Variants in DENND6A observed in about 807,000 individuals in gnomAD.
DENND6A encodes the protein protein DENND6A.
Under a neutral mutation model 95.5 loss-of-function variants are expected in DENND6A, and 43 were observed. The ratio of observed to expected loss-of-function variants is 0.45; its 90% CI spans 0.35 to 0.58. The LOEUF (loss-of-function observed/expected upper bound fraction) is 0.58, where lower values mean the gene tolerates loss of function less well. Ranked by LOEUF, DENND6A falls within the 20% of genes least tolerant of loss-of-function variation. The pLI is 0.00. For missense variants in DENND6A, 574 were observed against 736.0 expected (o/e 0.78, Z 2.55); for synonymous variants, 257 against 260.4 (o/e 0.99, Z 0.13).
chr3:57,638,380 G>GGGT (rs201790266), intron 12 of DENND6A, among the ~76,000 whole-genome samples: 2,148 of 152,082 alleles, frequency 0.014, 33 homozygotes, highest in Non-Finnish European at 0.019. Flanking sequence ...TAAACAGGCT[G>GGGT]GGTGTGGTGG....
At chr3:57,636,885 C>T (rs1025533311) in intron 12 of DENND6A, among the ~76,000 whole-genome samples, 1 of 143,522 alleles carries the variant, frequency 7.0e-6, no homozygotes, top group Non-Finnish European at 1.5e-5. Context: ...TGCAGTAAGC[C>T]GAGATTGTGT....
rs182113526 is a variant in DENND6A, at chr3:57,682,405, T to C, written c.238-9967A>G. ...TTCAGTACATGATCTATTCATTAAT[T>C]CTAAAGATGCTTTGAACTTTCCTGC... On this transcript the variant is annotated intron_variant, in intron 1 of 19. Transcript: ENST00000311128. Among the ~76,000 whole-genome samples, 501 of 152,246 alleles carry C rather than the reference T, an allele frequency of 3.3e-3. 3 individuals carry two copies. Among genetic ancestry groups the C allele is most frequent in the African/African-American group, 0.011 (475 of 41,566 alleles).
intron 3 of DENND6A, among the ~76,000 whole-genome samples, chr3:57,672,055 T>C (rs2071626877): frequency 6.6e-6 from 1 of 152,224 alleles, no homozygotes; most frequent in Non-Finnish European, 1.5e-5. Flanking sequence ...ATGGTTTACC[T>C]CATCACACCA....
chr3:57,682,158 A>G (rs1442279163), intron 1 of DENND6A, among the ~76,000 whole-genome samples: 2 of 151,958 alleles, frequency 1.3e-5, no homozygotes, highest in Non-Finnish European at 1.5e-5. Context: ...TTTTTCTAAC[A>G]TAAATTATAT....
rs1222968957 is a variant in DENND6A, at chr3:57,625,787, G to A, written c.*2427C>T. 1 of 152,546 alleles carries A rather than the reference G, an allele frequency of 6.6e-6. No individual in the cohort carries two copies. Among genetic ancestry groups the A allele is most frequent in the Admixed American group, 6.5e-5 (1 of 15,270 alleles). 9.4% of individuals were successfully genotyped at this position (152,546 alleles called of 1,614,324 possible). On this transcript the variant is annotated 3_prime_UTR_variant, in exon 20 of 20. Coordinates refer to ENST00000311128, the MANE Select transcript of DENND6A (RefSeq NM_152678.3). ...AGGTATGATATGGTTTTCAACATGT[G>A]TTAGGTTTCAGTTAAATACAGTAAA...
intron 12 of DENND6A, among the ~76,000 whole-genome samples, chr3:57,638,117 G>A (rs1302987666): frequency 6.6e-6 from 1 of 151,934 alleles, no homozygotes. Flanking sequence ...CTGGAAGACA[G>A]ACCAAGACTC....
chr3:57,635,671 A>T (rs2070777001), intron 12 of DENND6A, among the ~76,000 whole-genome samples: 1 of 152,168 alleles, frequency 6.6e-6, no homozygotes, highest in South Asian at 2.1e-4. Context: ...TGGGGGTGAG[A>T]TTTTAAGAAC....
chr3:57,658,852 A>C (rs138088683), intron 8 of DENND6A, among the ~76,000 whole-genome samples: 2 of 152,188 alleles, frequency 1.3e-5, no homozygotes, highest in Non-Finnish European at 1.5e-5. Flanking sequence ...ATCAAAGCTT[A>C]TTGAAAAAAA....
chr3:57,658,998 A>G, intron 8 of DENND6A, 120 bp downstream of exon 8: 1 of 837,584 alleles, frequency 1.2e-6, no homozygotes, highest in Non-Finnish European at 1.8e-6. Context: ...ATTTAATGGG[A>G]CATTTCAGTA....
chr3:57,643,830 A>G (rs535050328), intron 11 of DENND6A, among the ~76,000 whole-genome samples: 1 of 151,672 alleles, frequency 6.6e-6, no homozygotes, highest in South Asian at 2.1e-4. Flanking sequence ...CTGTCTCAAA[A>G]AAAAAAAAAA....
At chr3:57,662,185 C>T (rs376727488) in intron 5 of DENND6A, among the ~76,000 whole-genome samples, 22 of 79,134 alleles carry the variant, frequency 2.8e-4, no homozygotes, top group South Asian at 5.4e-4. Flanking sequence ...TTTCTTTTTT[C>T]TTTTTTTTTT....
intron 1 of DENND6A, among the ~76,000 whole-genome samples, chr3:57,673,229 A>G (rs545556705): frequency 4.5e-4 from 68 of 149,906 alleles, no homozygotes; most frequent in African/African-American, 1.3e-3. Context: ...AAAAAAAAAA[A>G]AAAGAAAGAA....
At chr3:57,692,694 T>G in intron 1 of DENND6A, 88 bp downstream of exon 1, 2 of 1,252,012 alleles carry the variant, frequency 1.6e-6, no homozygotes, top group East Asian at 3.1e-5. Context: ...GACAGGGTCC[T>G]GGCCGGTCAG....
intron 1 of DENND6A, among the ~76,000 whole-genome samples, chr3:57,684,436 C>G (rs181035760): frequency 7.9e-4 from 120 of 152,250 alleles, no homozygotes; most frequent in African/African-American, 2.8e-3. Context: ...GCACTCTAGC[C>G]TGGGTGACAA....
At chr3:57,658,354 T>TC (rs2071365883) in intron 8 of DENND6A, among the ~76,000 whole-genome samples, 1 of 151,552 alleles carries the variant, frequency 6.6e-6, no homozygotes. Flanking sequence ...CAGAGTGAAA[T>TC]CCCATCCCTA....
intron 11 of DENND6A, among the ~76,000 whole-genome samples, chr3:57,642,372 G>T (rs1421018213): frequency 4.0e-5 from 6 of 151,734 alleles, no homozygotes; most frequent in Non-Finnish European, 7.4e-5. Flanking sequence ...GTCTACCAGG[G>T]GATTAAAGGA....
At position 57,630,823 on chromosome 3, in the gene DENND6A, C is replaced by T. The variant is rs774274976; in HGVS notation, c.1409G>A (p.Ser470Asn). Residue 470 changes from serine (S) to asparagine (N), a missense_variant and splice_region_variant, in exon 17 of 20, where the codon AGT (serine) becomes AAT (asparagine). Transcript: ENST00000311128. The part of the protein sequence containing the change: ...PLQKSISPWK[S>N]PPQLRQFLPE... ...AAGAAACTGTCTTAATTGAGGTGGA[C>T]TCTAGAAAACAGGACATATAATATT... 1 of 1,612,718 alleles carries T rather than the reference C, an allele frequency of 6.2e-7. No individual in the cohort carries two copies. The highest frequency in any genetic ancestry group is 8.5e-7 in the Non-Finnish European group (1 of 1,179,618).
chr3:57,637,127 C>T (rs1232842643), intron 12 of DENND6A, among the ~76,000 whole-genome samples: 1 of 152,122 alleles, frequency 6.6e-6, no homozygotes, highest in Admixed American at 6.5e-5. Flanking sequence ...CAAATTATCA[C>T]ATTTAATCTT....
In DENND6A at chr3:57,672,291, T is replaced by A. The variant is rs781616401; in HGVS notation, c.284A>T (p.Asn95Ile). The A allele has an allele frequency of 1.9e-6, 3 of 1,610,264 alleles. No individual in the cohort carries two copies. The highest frequency in any genetic ancestry group is 2.5e-6 in the Non-Finnish European group (3 of 1,178,880). Residue 95 changes from asparagine (N) to isoleucine (I), a missense_variant, in exon 3 of 20, where the codon AAT (asparagine) becomes ATT (isoleucine). Physicochemically the swap from Asn to Ile is moderately radical, Grantham distance 149 (BLOSUM62 -3). Transcript: ENST00000311128. Reference protein sequence around the residue: ...HSKLTDREKTNICYLSFPDSN... With the variant: ...HSKLTDREKTIICYLSFPDSN... The stretch of plus-strand genomic sequence containing the variant: ...ATCTGGAAAAGACAAATAGCAAATA[T>A]TGGTTTTCTGAAAAAGAAAACAAAA...
Sources: allele counts gnomAD v4.1 joint callset (sites outside exome capture counted in the v4.1 genomes callset), GRCh38; gene constraint gnomAD v4.1.1; transcripts MANE v1.5; gene names NCBI Gene and HGNC (gene_info 2026-07-23, HGNC 2026-07-21).